C1orf159: variants seen among roughly 807,000 people sequenced by gnomAD.
C1orf159 encodes uncharacterized protein C1orf159.
C1orf159 carries 19 observed loss-of-function variants against 25.6 expected under a neutral mutation model. That is an observed-to-expected ratio of 0.74 (90% CI 0.52 to 1.09). The LOEUF (loss-of-function observed/expected upper bound fraction) is 1.09, where lower values mean the gene tolerates loss of function less well. Ranked by LOEUF, C1orf159 falls within the 50% of genes least tolerant of loss-of-function variation. The pLI is 0.00. For missense variants in C1orf159, 274 were observed against 290.6 expected, an observed-to-expected ratio of 0.94 and a Z score of 0.42; for synonymous variants, 139 against 124.7, an observed-to-expected ratio of 1.12 and a Z score of -0.77.
rs911266769 is a variant in C1orf159, at chr1:1,082,511, AGGGCACGGCAGC to A, written c.*370_*381del. On this transcript the variant is annotated 3_prime_UTR_variant, in exon 10 of 10. Coordinates refer to ENST00000421241, the MANE Select transcript of C1orf159 (RefSeq NM_017891.5). ...GAGTCCTGCCCGCTGTGGGCTCTGG[AGGGCACGGCAGC>A]AGAGCCCCTGGCTTTTCTAGGCAGA... is the stretch of plus-strand genomic sequence containing the variant. 6 of 281,668 alleles carry A rather than the reference AGGGCACGGCAGC, an allele frequency of 2.1e-5. No individual in the cohort carries two copies. The highest frequency in any genetic ancestry group is 1.4e-4 in the African/African-American group (6 of 43,474). 17.4% of individuals were successfully genotyped at this position (281,668 alleles called of 1,614,324 possible). A position where few individuals can be genotyped will look rare whatever the true frequency, so the allele number is the denominator to read the frequency against.
intron 3 of C1orf159, chr1:1,091,022 G>A (rs1362277440): frequency 6.8e-6 from 10 of 1,478,948 alleles, no homozygotes; most frequent in East Asian, 2.5e-5. Flanking sequence ...AGGGGTGACT[G>A]CGGAGTGCGG....
Position 1,091,884 on chromosome 1 carries a change from T to G in C1orf159, c.-23+107A>C, listed in dbSNP as rs113733597. On this transcript the variant is annotated intron_variant, in intron 2 of 9. Transcript: ENST00000421241. ...AGATGGGGCAGGGCCGTGGCAGGGGTGCAGGGCCACGACAGGGAAGGTGGA... is the reference window on the plus strand; with the variant it reads ...AGATGGGGCAGGGCCGTGGCAGGGGGGCAGGGCCACGACAGGGAAGGTGGA... 1.1e-3 allele frequency: 490 copies of G among 444,428 alleles called. 3 individuals carry two copies. The highest frequency in any genetic ancestry group is 8.7e-3 in the African/African-American group (423 of 48,856). 27.5% of individuals were successfully genotyped at this position (444,428 alleles called of 1,614,324 possible).
chr1:1,096,471 C>G (rs1171702256), intron 1 of C1orf159, among the ~76,000 whole-genome samples: 1 of 152,030 alleles, frequency 6.6e-6, no homozygotes, highest in African/African-American at 2.4e-5. Context: ...CCCGTTCCCC[C>G]TCCTCTTTTA....
chr1:1,112,729 T>C (rs540332369), intron 1 of C1orf159, among the ~76,000 whole-genome samples: 1 of 152,288 alleles, frequency 6.6e-6, no homozygotes, highest in East Asian at 1.9e-4. Flanking sequence ...TGAAGAAGGA[T>C]CAGGGGAGAA....
In C1orf159 at chr1:1,087,178, T is replaced by C; in HGVS notation, c.271A>G (p.Met91Val). ...CCGGGGGTCCCTGAGCTTCTGTTCA[T>C]GGGGAATGGCGCACCCGGGCCAGCA... is the stretch of plus-strand genomic sequence containing the variant. ...SFAGPGAPFP[M>V]NRSSGTPGRP... Residue 91 changes from methionine (M) to valine (V), a missense_variant, in exon 6 of 10, where the codon ATG (methionine) becomes GTG (valine). By Grantham distance (21) the Met-to-Val change is conservative. Transcript: ENST00000421241. This position sits in a 1 kb window ranked among gnomAD's most constrained non-coding sequence, Gnocchi z 8.3. 6.2e-7 allele frequency: 1 copy of C among 1,610,426 alleles called. No homozygotes were observed. Among genetic ancestry groups the C allele is most frequent in the Non-Finnish European group, 8.5e-7 (1 of 1,179,318 alleles).
At chr1:1,101,326 T>C (rs1364994553) in intron 1 of C1orf159, among the ~76,000 whole-genome samples, 1 of 151,984 alleles carries the variant, frequency 6.6e-6, no homozygotes, top group Non-Finnish European at 1.5e-5. Flanking sequence ...CTACTAAAAA[T>C]ACAAAAATTA....
intron 1 of C1orf159, among the ~76,000 whole-genome samples, chr1:1,100,668 TCTC>T (rs1646088558): frequency 6.6e-6 from 1 of 152,208 alleles, no homozygotes; most frequent in African/African-American, 2.4e-5. Flanking sequence ...GTTCCTCTAT[TCTC>T]TTTCTGGCCC....
chr1:1,086,991 G>C, intron 6 of C1orf159, 148 bp downstream of exon 6: 1 of 755,870 alleles, frequency 1.3e-6, no homozygotes, highest in Non-Finnish European at 2.1e-6. Flanking sequence ...CTGACCCCAA[G>C]CTGCAGGGGC....
chr1:1,110,752 G>C lies in C1orf159; in HGVS notation c.-136+5308C>G, dbSNP rs536805315. On this transcript the variant is annotated intron_variant, in intron 1 of 9. Transcript: ENST00000421241. This position sits in a 1 kb window ranked among gnomAD's most constrained non-coding sequence, Gnocchi z 4.8. ...CTCTTCAGACAGCGGAAACCCACCC[G>C]GGCGCCCTCAGAGACGACGAGCACG... is the stretch of plus-strand genomic sequence containing the variant. Among the ~76,000 whole-genome samples the C allele has an allele frequency of 6.6e-6, 1 of 152,132 alleles. No individual in the cohort carries two copies. The highest frequency in any genetic ancestry group is 1.9e-4 in the East Asian group (1 of 5,190).
chr1:1,105,798 T>C (rs1646162892), intron 1 of C1orf159, among the ~76,000 whole-genome samples: 1 of 151,946 alleles, frequency 6.6e-6, no homozygotes, highest in Non-Finnish European at 1.5e-5. Context: ...AGCATGAACC[T>C]GGGAAGGTGG....
Position 1,085,878 on chromosome 1 carries a change from CT to C in C1orf159, c.444del (p.Ala149LeufsTer12). ...GGGCAGGTGCTGGTCCGGGAGATAC[CT>C]TTGTTTCTTCTGTAGCAGGCCCTGG... ...KLPRACYRRN[K>X]APALQPGEAA... On this transcript the variant is annotated frameshift_variant and splice_region_variant, in exon 7 of 10. Coordinates refer to ENST00000421241, the MANE Select transcript of C1orf159 (RefSeq NM_017891.5). LOFTEE classifies it high-confidence loss of function. The C allele has an allele frequency of 6.2e-7, 1 of 1,613,096 alleles. No homozygotes were observed. The highest frequency in any genetic ancestry group is 8.5e-7 in the Non-Finnish European group (1 of 1,179,764).
At chr1:1,095,915 T>C (rs1050122324) in intron 1 of C1orf159, among the ~76,000 whole-genome samples, 4 of 152,236 alleles carry the variant, frequency 2.6e-5, no homozygotes, top group African/African-American at 9.6e-5. Context: ...ATGTCTTTTC[T>C]GCATCTATTT....
In C1orf159 at chr1:1,087,574, C is replaced by A; in HGVS notation, c.172G>T (p.Asp58Tyr). 6.5e-7 allele frequency: 1 copy of A among 1,548,316 alleles called. No individual in the cohort carries two copies. Among genetic ancestry groups the A allele is most frequent in the Non-Finnish European group, 8.7e-7 (1 of 1,146,574 alleles). ...GPGCYRRWNA[D>Y]GSASCVRCGN... is the part of the protein sequence containing the mutation. ...CAGCGGACGCAGCTGGCGCTCCCGT[C>A]CGCGTTCCAGCGCCTGTAACAGCCT... Residue 58 changes from aspartate (D) to tyrosine (Y), a missense_variant, in exon 5 of 10, where the codon GAC (aspartate) becomes TAC (tyrosine). Physicochemically the swap from Asp to Tyr is radical, Grantham distance 160. Transcript: ENST00000421241. This position sits in a 1 kb window ranked among gnomAD's most constrained non-coding sequence, Gnocchi z 8.3.
intron 1 of C1orf159, among the ~76,000 whole-genome samples, chr1:1,109,937 G>A (rs1213977140): frequency 6.6e-6 from 1 of 152,236 alleles, no homozygotes; most frequent in Non-Finnish European, 1.5e-5. Flanking sequence ...AAGTGACGCT[G>A]TAGTTATGGC....
At chr1:1,099,665 A>C (rs1200093752) in intron 1 of C1orf159, among the ~76,000 whole-genome samples, 122 of 76,366 alleles carry the variant, frequency 1.6e-3, no homozygotes, top group African/African-American at 8.1e-3. Flanking sequence ...ATGATTGTGG[A>C]TTGTCTGCTG....
chr1:1,084,664 C>A (rs1313622445), intron 7 of C1orf159, among the ~76,000 whole-genome samples, 158 bp from the exon 8 acceptor site: 1 of 152,088 alleles, frequency 6.6e-6, no homozygotes, highest in East Asian at 1.9e-4. Flanking sequence ...AGGGTCTCCC[C>A]CAACCTCTCC....
chr1:1,090,876 G>A (rs569812919), intron 3 of C1orf159: 149 of 1,549,184 alleles, frequency 9.6e-5, no homozygotes, highest in East Asian at 6.1e-4. Flanking sequence ...TGGCACTTAC[G>A]GTGTGTGTGA....
intron 3 of C1orf159, 83 bp from the exon 4 acceptor site, chr1:1,090,511 G>A (rs758539901): frequency 1.6e-5 from 22 of 1,372,642 alleles, no homozygotes; most frequent in Non-Finnish European, 1.9e-5. Flanking sequence ...GAGGGGTGCC[G>A]TGGGAGCACA....
intron 1 of C1orf159, among the ~76,000 whole-genome samples, chr1:1,096,863 A>C (rs530610497): frequency 4.6e-5 from 7 of 152,042 alleles, no homozygotes; most frequent in African/African-American, 1.7e-4. Flanking sequence ...TAGCTGGAAC[A>C]CAAGCAAGTG....
Sources: allele counts gnomAD v4.1 joint callset (sites outside exome capture counted in the v4.1 genomes callset), GRCh38; gene constraint gnomAD v4.1.1; non-coding constraint Gnocchi (gnomAD v3.1); transcripts MANE v1.5; gene names NCBI Gene and HGNC (gene_info 2026-07-23, HGNC 2026-07-21).